Variants in DPP10 observed in about 807,000 individuals in gnomAD.
DPP10 encodes dipeptidyl peptidase like 10, also known as inactive dipeptidyl peptidase 10.
DPP10 carries 33 observed loss-of-function variants against 120.9 expected under a neutral mutation model. The observed-to-expected ratio is 0.27, with a 90% CI of 0.21 to 0.37. The LOEUF is 0.37. DPP10 is among the 10% of genes least tolerant of loss of function. DPP10 has a pLI of 1.00. For synonymous variants in DPP10, 337 were observed against 326.1 expected, an observed-to-expected ratio of 1.03 and a Z score of -0.36; for missense variants, 816 against 942.8, an observed-to-expected ratio of 0.87 and a Z score of 1.76.
At chr2:114,595,488 G>C (rs1691832167) in intron 1 of DPP10, among the ~76,000 whole-genome samples, 1 of 152,062 alleles carries the variant, frequency 6.6e-6, no homozygotes, top group Admixed American at 6.6e-5. Flanking sequence ...AAGCCAACAA[G>C]ACACTTTCTG....
chr2:115,058,040 C>G (rs1338202695), intron 1 of DPP10, among the ~76,000 whole-genome samples: 1 of 152,194 alleles, frequency 6.6e-6, no homozygotes, highest in Non-Finnish European at 1.5e-5. Context: ...CGCACTGGGG[C>G]ACTCTTGTAC....
At chr2:115,177,239 A>G (rs891808369) in intron 1 of DPP10, among the ~76,000 whole-genome samples, 2 of 152,200 alleles carry the variant, frequency 1.3e-5, no homozygotes, top group Non-Finnish European at 2.9e-5. Flanking sequence ...TAAACTTTAC[A>G]ATTTAGAAAA....
chr2:115,560,561 C>T (rs1444714660), intron 5 of DPP10, among the ~76,000 whole-genome samples: 2 of 147,382 alleles, frequency 1.4e-5, no homozygotes, highest in Non-Finnish European at 3.0e-5. Flanking sequence ...GTGATCTATT[C>T]CCCCCACCCC....
At chr2:114,887,988 A>G (rs1215485213) in intron 1 of DPP10, among the ~76,000 whole-genome samples, 2 of 151,790 alleles carry the variant, frequency 1.3e-5, no homozygotes, top group Non-Finnish European at 2.9e-5. Flanking sequence ...CTAAAAATAC[A>G]AAAAATTAGC....
At chr2:115,465,993 G>C (rs1403315023) in intron 3 of DPP10, among the ~76,000 whole-genome samples, 2 of 151,960 alleles carry the variant, frequency 1.3e-5, no homozygotes, top group African/African-American at 2.4e-5. Flanking sequence ...ATTCCATAAT[G>C]GGTAATTACA....
intron 7 of DPP10, 108 bp from the exon 8 acceptor site, chr2:115,727,708 C>T: frequency 8.1e-7 from 1 of 1,230,580 alleles, no homozygotes; most frequent in African/African-American, 1.6e-5. Flanking sequence ...AACTTGAAGC[C>T]CGTAAATAAT....
intron 1 of DPP10, among the ~76,000 whole-genome samples, chr2:114,669,650 A>G (rs900169052): frequency 2.0e-5 from 3 of 152,156 alleles, no homozygotes; most frequent in African/African-American, 7.2e-5. Context: ...AATCAGTTCT[A>G]TTACCTAAAA....
chr2:115,232,265 CT>C (rs2057770503), intron 1 of DPP10, among the ~76,000 whole-genome samples: 1 of 151,928 alleles, frequency 6.6e-6, no homozygotes, highest in South Asian at 2.1e-4. Flanking sequence ...TTCTCAGAAA[CT>C]TGAGTTAAGC....
intron 1 of DPP10, among the ~76,000 whole-genome samples, chr2:114,605,235 C>A (rs2105250924): frequency 6.6e-6 from 1 of 152,124 alleles, no homozygotes; most frequent in African/African-American, 2.4e-5. Context: ...AGAACAAGGG[C>A]AAATCAGTAC....
chr2:115,835,298 T>G (rs993669873), intron 21 of DPP10, among the ~76,000 whole-genome samples: 1 of 152,104 alleles, frequency 6.6e-6, no homozygotes, highest in Non-Finnish European at 1.5e-5. Context: ...AACAAAGGCA[T>G]AAGGATGTAG....
At chr2:115,079,212 C>T (rs1277209368) in intron 1 of DPP10, among the ~76,000 whole-genome samples, 1 of 152,012 alleles carries the variant, frequency 6.6e-6, no homozygotes, top group Non-Finnish European at 1.5e-5. Flanking sequence ...AACCCCGTCT[C>T]TACTAAAAAC....
At chr2:115,628,285 T>C (rs556289144) in intron 5 of DPP10, among the ~76,000 whole-genome samples, 44 of 152,242 alleles carry the variant, frequency 2.9e-4, no homozygotes, top group Non-Finnish European at 4.7e-4. Context: ...TTGAGCTTTT[T>C]TTCATGCTTC....
intron 1 of DPP10, among the ~76,000 whole-genome samples, chr2:114,578,093 T>C (rs998022327): frequency 3.3e-5 from 5 of 152,220 alleles, no homozygotes; most frequent in East Asian, 3.9e-4. Flanking sequence ...CTAAGATAAA[T>C]TGGCAAAAAA....
chr2:114,507,054 T>C (rs1379959882), intron 1 of DPP10, among the ~76,000 whole-genome samples: 1 of 150,028 alleles, frequency 6.7e-6, no homozygotes. Flanking sequence ...TTTTTTCTTT[T>C]TTTTTTTTTT....
At chr2:115,046,427 C>T (rs575921151) in intron 1 of DPP10, among the ~76,000 whole-genome samples, 2 of 152,234 alleles carry the variant, frequency 1.3e-5, no homozygotes, top group African/African-American at 4.8e-5. Flanking sequence ...TAATAAGAAG[C>T]ATAGTGTGAT....
intron 3 of DPP10, among the ~76,000 whole-genome samples, chr2:115,405,649 G>T (rs2104528169): frequency 6.6e-6 from 1 of 152,282 alleles, no homozygotes; most frequent in African/African-American, 2.4e-5. Context: ...GGAGGCTGCT[G>T]CACCTCCTCC....
At chr2:115,526,087 C>G (rs144372674) in intron 5 of DPP10, 115 bp downstream of exon 5, 2 of 732,924 alleles carry the variant, frequency 2.7e-6, no homozygotes, top group Non-Finnish European at 4.5e-6. Flanking sequence ...CTAGTAACTA[C>G]CGGAGGACAG....
intron 2 of DPP10, among the ~76,000 whole-genome samples, chr2:115,321,940 G>A (rs1019254335): frequency 6.6e-6 from 1 of 151,952 alleles, no homozygotes; most frequent in Non-Finnish European, 1.5e-5. Context: ...TTGTTATTCT[G>A]GTTTCCTTTA....
intron 7 of DPP10, among the ~76,000 whole-genome samples, chr2:115,725,102 A>C (rs2092734137): frequency 6.6e-6 from 1 of 152,214 alleles, no homozygotes; most frequent in South Asian, 2.1e-4. Context: ...GAAGAAAATA[A>C]TAGTATAAAA....
Sources: allele counts gnomAD v4.1 joint callset (sites outside exome capture counted in the v4.1 genomes callset), GRCh38; gene constraint gnomAD v4.1.1; transcripts MANE v1.5; gene names NCBI Gene and HGNC (gene_info 2026-07-23, HGNC 2026-07-21).